The following LINGO2 variants were observed in gnomAD, a reference collection of about 807,000 sequenced individuals.
LINGO2 encodes the protein leucine-rich repeat and immunoglobulin-like domain-containing nogo receptor-interacting protein 2.
In LINGO2, 14 loss-of-function variants were observed where a neutral mutation model predicts 30.6. The observed-to-expected ratio is 0.46, with a 90% CI of 0.30 to 0.72. The LOEUF is 0.72. LINGO2 is among the 30% of genes least tolerant of loss of function. The pLI is 0.07. For synonymous variants in LINGO2, 317 were observed against 288.5 expected (o/e 1.10, Z -1.00); for missense variants, 729 against 751.7 (o/e 0.97, Z 0.35).
intron 2 of LINGO2, among the ~76,000 whole-genome samples, chr9:28,408,513 C>G (rs1016601760): frequency 6.6e-6 from 1 of 151,330 alleles, no homozygotes; most frequent in Non-Finnish European, 1.5e-5. Context: ...AGCAAACTAT[C>G]GCAAGGACAA....
At chr9:28,830,544 A>G in the LINGO2 span, among the ~76,000 whole-genome samples, 1 of 152,210 alleles carries the variant, frequency 6.6e-6, no homozygotes, top group Admixed American at 6.5e-5. Context: ...TATGAAGATT[A>G]AAAGCAGGAA....
chr9:27,989,118 C>T (rs1232560588), intron 5 of LINGO2, among the ~76,000 whole-genome samples: 2 of 151,876 alleles, frequency 1.3e-5, no homozygotes, highest in Non-Finnish European at 1.5e-5. Context: ...AAATCTTCTC[C>T]ACCTTGGGAA....
Position 28,051,471 on chromosome 9 carries a change from A to T in LINGO2, c.-86-39066T>A, listed in dbSNP as rs1254383932. Among the ~76,000 whole-genome samples, 5 of 152,072 alleles carry T rather than the reference A, an allele frequency of 3.3e-5. No individual in the cohort carries two copies. In the East Asian group the frequency reaches 9.6e-4, roughly 29 times the overall value. ...TATGCACCAAGTGTATGCACATCAA[A>T]TGCTGGTATTTTGCATATATTTATC... On this transcript the variant is annotated intron_variant, in intron 4 of 5. Transcript: ENST00000379992.
rs1041775528 is a variant in LINGO2, at chr9:28,418,510, C to A, written c.-278-45642G>T. On this transcript the variant is annotated intron_variant, in intron 2 of 5. Transcript: ENST00000379992. ...GCCAGGCTGGTCTCGAACTCCTGATCTCGTGATCTGCCCGCCTGTGCCTCC... is the reference window on the plus strand; with the variant it reads ...GCCAGGCTGGTCTCGAACTCCTGATATCGTGATCTGCCCGCCTGTGCCTCC... Among the ~76,000 whole-genome samples, 174 of 152,042 alleles carry A rather than the reference C, an allele frequency of 1.1e-3. 5 individuals are homozygous for A. The highest frequency in any genetic ancestry group is 2.5e-4 in the Non-Finnish European group (17 of 68,008).
chr9:29,196,355 G>A, the LINGO2 span, among the ~76,000 whole-genome samples: 18 of 152,018 alleles, frequency 1.2e-4, 1 homozygote, highest in Admixed American at 8.5e-4. Flanking sequence ...AATAGCATCA[G>A]ATATTTTATT....
At chr9:28,198,753 T>C (rs546914485) in intron 4 of LINGO2, among the ~76,000 whole-genome samples, 1 of 152,250 alleles carries the variant, frequency 6.6e-6, no homozygotes, top group East Asian at 1.9e-4. Context: ...ATGATGACCC[T>C]ATCTTTTAGG....
At chr9:28,123,930 T>G (rs1405882258) in intron 4 of LINGO2, among the ~76,000 whole-genome samples, 1 of 152,222 alleles carries the variant, frequency 6.6e-6, no homozygotes, top group Non-Finnish European at 1.5e-5. Context: ...CCTCCCAAAG[T>G]GCTGGGATTA....
chr9:28,848,716 C>T, the LINGO2 span, among the ~76,000 whole-genome samples: 1 of 151,406 alleles, frequency 6.6e-6, no homozygotes, highest in Admixed American at 6.6e-5. Context: ...CAAAGAGATA[C>T]AGTTTATTTG....
intron 2 of LINGO2, among the ~76,000 whole-genome samples, chr9:28,449,155 G>C (rs111718589): frequency 0.01 from 1,528 of 151,700 alleles, 28 homozygotes; most frequent in African/African-American, 0.035. Context: ...TCTAGGCTAT[G>C]AATCAAGGCA....
intron 4 of LINGO2, among the ~76,000 whole-genome samples, chr9:28,197,256 G>A (rs2133802181): frequency 6.6e-6 from 1 of 151,914 alleles, no homozygotes; most frequent in East Asian, 1.9e-4. Flanking sequence ...AAGTTTACAT[G>A]AAAAATATAT....
chr9:28,769,080 G>T, the LINGO2 span, among the ~76,000 whole-genome samples: 2 of 151,774 alleles, frequency 1.3e-5, no homozygotes, highest in African/African-American at 2.4e-5. Flanking sequence ...ATTGTAAATG[G>T]ATTAAATATT....
At chr9:28,496,025 C>T (rs1476777416) in intron 1 of LINGO2, among the ~76,000 whole-genome samples, 2 of 151,854 alleles carry the variant, frequency 1.3e-5, no homozygotes, top group Admixed American at 6.6e-5. Context: ...GTCTGAGAGA[C>T]AGTTTGTTAT....
the LINGO2 span, among the ~76,000 whole-genome samples, chr9:28,800,529 T>C: frequency 2.4e-3 from 369 of 152,182 alleles, 1 homozygote; most frequent in African/African-American, 8.4e-3. Flanking sequence ...TGTATTGCTC[T>C]AGTCTACTTA....
At chr9:28,788,158 G>A in the LINGO2 span, among the ~76,000 whole-genome samples, 3 of 151,984 alleles carry the variant, frequency 2.0e-5, no homozygotes, top group Non-Finnish European at 4.4e-5. Context: ...CCTTAAGATT[G>A]AATTTTTCCA....
chr9:28,727,946 T>A, the LINGO2 span, among the ~76,000 whole-genome samples: 3 of 152,162 alleles, frequency 2.0e-5, no homozygotes, highest in African/African-American at 7.2e-5. Context: ...AACGAGATTA[T>A]GCTCAATAGG....
the LINGO2 span, among the ~76,000 whole-genome samples, chr9:28,761,136 T>C: frequency 1.3e-5 from 2 of 151,868 alleles, no homozygotes; most frequent in Non-Finnish European, 2.9e-5. Context: ...GTAGTGGGAT[T>C]GCTGGATATT....
At chr9:28,277,369 T>C (rs1411835705) in intron 4 of LINGO2, among the ~76,000 whole-genome samples, 1 of 152,126 alleles carries the variant, frequency 6.6e-6, no homozygotes, top group African/African-American at 2.4e-5. Context: ...TGACTAGCAG[T>C]TCCTTATCTT....
At chr9:28,916,346 T>A in the LINGO2 span, among the ~76,000 whole-genome samples, 6 of 152,150 alleles carry the variant, frequency 3.9e-5, no homozygotes, top group Non-Finnish European at 7.4e-5. Flanking sequence ...TTTTTCCTGA[T>A]CCAGGAGAGA....
chr9:28,288,792 C>T (rs1326475406), intron 4 of LINGO2, among the ~76,000 whole-genome samples: 1 of 152,158 alleles, frequency 6.6e-6, no homozygotes, highest in Non-Finnish European at 1.5e-5. Context: ...TGAAGAGTTA[C>T]ATAGGTGAGA....
Sources: gnomAD v4.1 joint callset for allele counts (sites outside exome capture counted in the v4.1 genomes callset) on GRCh38, gnomAD v4.1.1 for gene constraint, MANE v1.5 for transcripts, NCBI Gene and HGNC (gene_info 2026-07-23, HGNC 2026-07-21) for gene names.